The following RYR2 variants were observed in gnomAD, a reference collection of about 807,000 sequenced individuals.
The protein encoded by RYR2 is cardiac muscle ryanodine receptor-calcium release channel.
In RYR2, 227 loss-of-function variants were observed where a neutral mutation model predicts 601.1. The ratio of observed to expected loss-of-function variants is 0.38; its 90% confidence interval spans 0.34 to 0.42. The LOEUF is 0.42. Ranked by LOEUF, RYR2 falls within the 10% of genes least tolerant of loss-of-function variation. The probability of loss-of-function intolerance (pLI) is 1.00; values close to 1 mark genes in which losing one functional copy is unlikely to be tolerated. For synonymous variants in RYR2, 2,223 were observed against 2,175.1 expected (o/e 1.02, Z -0.61); for missense variants, 4,646 against 6,156.5 (o/e 0.75, Z 8.21).
At chr1:237,327,034 A>T (rs1046774949) in intron 2 of RYR2, among the ~76,000 whole-genome samples, 2 of 152,230 alleles carry the variant, frequency 1.3e-5, no homozygotes, top group Non-Finnish European at 2.9e-5. Context: ...TGTTGACTTT[A>T]AAAGGTACAA....
chr1:237,056,086 G>A (rs1661994279), intron 1 of RYR2, among the ~76,000 whole-genome samples: 1 of 151,212 alleles, frequency 6.6e-6, no homozygotes, highest in South Asian at 2.1e-4. Context: ...CTGCACCTGT[G>A]AGGACTGGAG....
chr1:237,800,047 G>A (rs972079411), intron 97 of RYR2: 26 of 152,124 alleles, frequency 1.7e-4, no homozygotes, highest in African/African-American at 6.3e-4. Context: ...CAGCCTCACC[G>A]AAACAAACAG....
chr1:237,627,197 T>G (rs1679765034), intron 40 of RYR2, among the ~76,000 whole-genome samples: 1 of 152,244 alleles, frequency 6.6e-6, no homozygotes, highest in African/African-American at 2.4e-5. Context: ...ACATTTACTA[T>G]GTTTCATGTT....
chr1:237,402,293 T>C (rs986308078), intron 10 of RYR2, among the ~76,000 whole-genome samples: 4 of 150,920 alleles, frequency 2.7e-5, no homozygotes, highest in Non-Finnish European at 4.4e-5. Flanking sequence ...ATAGCAAGTA[T>C]GGAGGAGAGC....
intron 1 of RYR2, among the ~76,000 whole-genome samples, chr1:237,094,526 A>G (rs1036258372): frequency 6.6e-6 from 1 of 152,166 alleles, no homozygotes; most frequent in Admixed American, 6.6e-5. Flanking sequence ...ATTTTTATCA[A>G]ACTCTTCACA....
At chr1:237,374,633 T>G in intron 6 of RYR2, 84 bp from the exon 7 acceptor site, 48 of 1,147,904 alleles carry the variant, frequency 4.2e-5, no homozygotes, top group Non-Finnish European at 5.6e-5. Flanking sequence ...ACTTCCAGCC[T>G]GAGCTACAGA....
chr1:237,393,474 A>G (rs1702560226), intron 10 of RYR2, among the ~76,000 whole-genome samples: 1 of 152,202 alleles, frequency 6.6e-6, no homozygotes, highest in African/African-American at 2.4e-5. Flanking sequence ...CATAGTTTAT[A>G]TCTGTGTACA....
chr1:237,679,882 A>T (rs886650306), intron 61 of RYR2, among the ~76,000 whole-genome samples: 1 of 152,186 alleles, frequency 6.6e-6, no homozygotes, highest in Admixed American at 6.5e-5. Flanking sequence ...AGGTGATGTG[A>T]GTGGACAGAG....
chr1:237,184,483 A>G (rs556791502), intron 1 of RYR2, among the ~76,000 whole-genome samples: 59 of 152,374 alleles, frequency 3.9e-4, no homozygotes, highest in African/African-American at 1.3e-3. Flanking sequence ...TAATGTTATC[A>G]AGAGTGTATT....
chr1:237,567,536 G>A (rs1437786887), intron 28 of RYR2, among the ~76,000 whole-genome samples: 1 of 151,828 alleles, frequency 6.6e-6, no homozygotes, highest in Non-Finnish European at 1.5e-5. Context: ...GCTGCAATGA[G>A]CCATGATCAC....
At chr1:237,602,244 C>T (rs1676582230) in intron 35 of RYR2, 133 bp downstream of exon 35, 1 of 627,230 alleles carries the variant, frequency 1.6e-6, no homozygotes, top group Non-Finnish European at 2.6e-6. Context: ...AAAAGATAGC[C>T]ATGCTTGAAA....
intron 98 of RYR2, among the ~76,000 whole-genome samples, chr1:237,804,433 A>T (rs1414409150): frequency 6.6e-6 from 1 of 151,862 alleles, no homozygotes; most frequent in Admixed American, 6.6e-5. Flanking sequence ...TCTGTGAAAG[A>T]TTAAGATATC....
At chr1:237,181,820 T>C (rs1183196014) in intron 1 of RYR2, among the ~76,000 whole-genome samples, 1 of 152,186 alleles carries the variant, frequency 6.6e-6, no homozygotes, top group Non-Finnish European at 1.5e-5. Context: ...GAAGGATTAA[T>C]GATGACCGAA....
At chr1:237,513,161 C>T (rs912923944) in intron 24 of RYR2, among the ~76,000 whole-genome samples, 1 of 152,102 alleles carries the variant, frequency 6.6e-6, no homozygotes, top group Admixed American at 6.6e-5. Flanking sequence ...TGACTTTGCC[C>T]CTTACCTTTG....
At chr1:237,187,166 A>T (rs1257919938) in intron 1 of RYR2, among the ~76,000 whole-genome samples, 1 of 144,132 alleles carries the variant, frequency 6.9e-6, no homozygotes, top group East Asian at 2.2e-4. Flanking sequence ...CAAGAATGTC[A>T]CATAGACTTT....
chr1:237,050,074 C>T (rs1009899334), intron 1 of RYR2, among the ~76,000 whole-genome samples: 1 of 152,020 alleles, frequency 6.6e-6, no homozygotes, highest in Non-Finnish European at 1.5e-5. Flanking sequence ...CTGTTAGTGA[C>T]GGAGTGTTCA....
intron 17 of RYR2, among the ~76,000 whole-genome samples, chr1:237,475,683 G>T (rs1281986361): frequency 6.6e-6 from 1 of 152,184 alleles, no homozygotes; most frequent in Non-Finnish European, 1.5e-5. Context: ...ATGTTATGAT[G>T]TATGTATATA....
At chr1:237,775,904 G>A (rs984647681) in intron 87 of RYR2, among the ~76,000 whole-genome samples, 2 of 152,122 alleles carry the variant, frequency 1.3e-5, no homozygotes, top group South Asian at 4.1e-4. Context: ...CCCTGCAAAG[G>A]ACATTCTGTG....
chr1:237,398,314 G>A (rs577191621), intron 10 of RYR2, among the ~76,000 whole-genome samples: 4 of 152,214 alleles, frequency 2.6e-5, no homozygotes, highest in Non-Finnish European at 4.4e-5. Flanking sequence ...AAAAATCCAC[G>A]TGGAGAGGGT....
Sources: allele counts gnomAD v4.1 joint callset (sites outside exome capture counted in the v4.1 genomes callset), GRCh38; gene constraint gnomAD v4.1.1; transcripts MANE v1.5; gene names NCBI Gene and HGNC (gene_info 2026-07-23, HGNC 2026-07-21).